TMEM263: variants seen among roughly 807,000 people sequenced by gnomAD.
The protein encoded by TMEM263 is UPF0444 transmembrane protein C12orf23.
TMEM263 carries 5 observed loss-of-function variants against 8.6 expected under a neutral mutation model. The observed-to-expected ratio is 0.58, with a 90% CI of 0.31 to 1.23. The LOEUF (loss-of-function observed/expected upper bound fraction) is 1.23, where lower values mean the gene tolerates loss of function less well. Among genes scored for constraint, TMEM263 ranks in the 50% most tolerant of loss-of-function variants. The probability of loss-of-function intolerance (pLI) is 0.07; values close to 1 mark genes in which losing one functional copy is unlikely to be tolerated. For synonymous variants in TMEM263, 50 were observed against 47.9 expected (o/e 1.04, Z -0.18); for missense variants, 104 against 138.8 (o/e 0.75, Z 1.26).
chr12:106,970,108 AATG>A (rs1352286074), intron 3 of TMEM263, among the ~76,000 whole-genome samples: 1 of 152,130 alleles, frequency 6.6e-6, no homozygotes, highest in African/African-American at 2.4e-5. Flanking sequence ...CACGATTTTA[AATG>A]ATGAATAGTT....
chr12:106,966,712 AG>A (rs1951852604), intron 2 of TMEM263, among the ~76,000 whole-genome samples: 2 of 114,658 alleles, frequency 1.7e-5, no homozygotes, highest in Admixed American at 1.8e-4. Flanking sequence ...TTTTTCTTTA[AG>A]TCTATTGTGA....
chr12:106,964,654 A>G (rs564958463), intron 2 of TMEM263, among the ~76,000 whole-genome samples: 2 of 152,358 alleles, frequency 1.3e-5, no homozygotes, highest in African/African-American at 4.8e-5. Context: ...ATTAGGTGCC[A>G]TTGATAAATG....
At chr12:106,967,282 G>C in intron 3 of TMEM263, 102 bp downstream of exon 3, 1 of 788,636 alleles carries the variant, frequency 1.3e-6, no homozygotes, top group Non-Finnish European at 1.9e-6. Flanking sequence ...TTTTGAGACA[G>C]AGTCTTACTC....
intron 2 of TMEM263, among the ~76,000 whole-genome samples, chr12:106,963,585 A>G (rs1951806583): frequency 6.6e-6 from 1 of 152,206 alleles, no homozygotes. Flanking sequence ...CACTTACTGT[A>G]TTAATCTCTC....
chr12:106,973,515 G>A lies in TMEM263; in HGVS notation c.*2124G>A, dbSNP rs1038349268. On this transcript the variant is annotated 3_prime_UTR_variant, in exon 4 of 4. Transcript: ENST00000280756. Reference sequence around the variant, plus strand: ...CTGCTACAGAAAAGCCACCTGGTACGTTTTGTCTCATCAGGATTGTTTTAA... The same window carrying A: ...CTGCTACAGAAAAGCCACCTGGTACATTTTGTCTCATCAGGATTGTTTTAA... 2 of 152,552 alleles carry A rather than the reference G, an allele frequency of 1.3e-5. No individual in the cohort carries two copies. The highest frequency in any genetic ancestry group is 2.1e-4 in the South Asian group (1 of 4,832). The allele number at this position is 152,552 out of a possible 1,614,324, so 9.4% of individuals were successfully genotyped here. A position where few individuals can be genotyped will look rare whatever the true frequency, so the allele number is the denominator to read the frequency against.
chr12:106,968,373 C>T (rs1229594099), intron 3 of TMEM263, among the ~76,000 whole-genome samples: 1 of 134,768 alleles, frequency 7.4e-6, no homozygotes, highest in African/African-American at 2.6e-5. Flanking sequence ...GAGACTCCGT[C>T]TCAAAAAAAA....
At chr12:106,962,698 GA>G (rs144333617) in intron 2 of TMEM263, among the ~76,000 whole-genome samples, 5,794 of 152,292 alleles carry the variant, frequency 0.038, 117 homozygotes, top group African/African-American at 0.058. Flanking sequence ...TGGATGCCCT[GA>G]AGGCATTTCA....
At chr12:106,965,415 T>C (rs1293978882) in intron 2 of TMEM263, among the ~76,000 whole-genome samples, 1 of 152,156 alleles carries the variant, frequency 6.6e-6, no homozygotes, top group Non-Finnish European at 1.5e-5. Flanking sequence ...AAGACCAGCC[T>C]GGCCAACATG....
rs1951941786 is a variant in TMEM263, at chr12:106,972,845, T to C, written c.*1454T>C. ...CTTTTTACTTAAATCTGGAAATTTG[T>C]CTCCATTCTGCCACCTTTTTTTTTT... On this transcript the variant is annotated 3_prime_UTR_variant, in exon 4 of 4. Transcript: ENST00000280756. 1 of 150,810 alleles carries C rather than the reference T, an allele frequency of 6.6e-6. No individual in the cohort carries two copies. The highest frequency in any genetic ancestry group is 1.5e-5 in the Non-Finnish European group (1 of 67,796). 9.3% of individuals were successfully genotyped at this position (150,810 alleles called of 1,614,324 possible).
At chr12:106,965,211 G>T (rs573258557) in intron 2 of TMEM263, among the ~76,000 whole-genome samples, 2 of 152,186 alleles carry the variant, frequency 1.3e-5, no homozygotes, top group South Asian at 4.1e-4. Context: ...TTCTTCTTCC[G>T]CAAAGACTCT....
chr12:106,965,090 C>T (rs1392126624), intron 2 of TMEM263, among the ~76,000 whole-genome samples: 1 of 143,128 alleles, frequency 7.0e-6, no homozygotes, highest in Non-Finnish European at 1.5e-5. Flanking sequence ...CCAGACCTCA[C>T]TCTTTGTCTT....
chr12:106,965,372 C>T (rs748834335), intron 2 of TMEM263, among the ~76,000 whole-genome samples: 2 of 152,034 alleles, frequency 1.3e-5, no homozygotes, highest in African/African-American at 4.8e-5. Context: ...TTTGGGAGGC[C>T]GAGGTAGGCG....
intron 2 of TMEM263, among the ~76,000 whole-genome samples, 159 bp downstream of exon 2, chr12:106,957,308 CTTTCA>C (rs1369396578): frequency 2.0e-5 from 3 of 152,216 alleles, no homozygotes; most frequent in African/African-American, 7.2e-5. Flanking sequence ...GCTTTTTCCA[CTTTCA>C]TTTCTTTAGT....
chr12:106,961,184 A>C (rs767107329), intron 2 of TMEM263, among the ~76,000 whole-genome samples: 6 of 148,586 alleles, frequency 4.0e-5, no homozygotes, highest in East Asian at 3.9e-4. Flanking sequence ...CATCCTTCCA[A>C]ATATGTGGGA....
At chr12:106,964,043 G>A (rs1951813574) in intron 2 of TMEM263, among the ~76,000 whole-genome samples, 1 of 152,116 alleles carries the variant, frequency 6.6e-6, no homozygotes, top group Non-Finnish European at 1.5e-5. Context: ...CTGGATTTGT[G>A]TCTATGTGTA....
intron 3 of TMEM263, 148 bp downstream of exon 3, chr12:106,967,328 G>T: frequency 1.9e-6 from 1 of 515,238 alleles, no homozygotes; most frequent in Non-Finnish European, 3.3e-6. Flanking sequence ...GCACGATCTT[G>T]GCCCACTGCA....
intron 2 of TMEM263, among the ~76,000 whole-genome samples, chr12:106,964,069 G>A (rs1166553621): frequency 3.3e-5 from 5 of 152,134 alleles, no homozygotes; most frequent in African/African-American, 1.2e-4. Context: ...TTAATATATA[G>A]TACTGAGATT....
chr12:106,966,983 A>G (rs930180344), intron 2 of TMEM263, 128 bp from the exon 3 acceptor site: 1 of 628,312 alleles, frequency 1.6e-6, no homozygotes, highest in Non-Finnish European at 2.8e-6. Context: ...GATGAAGACT[A>G]GTTGTATAGT....
At chr12:106,968,641 G>A (rs947687842) in intron 3 of TMEM263, among the ~76,000 whole-genome samples, 7 of 152,216 alleles carry the variant, frequency 4.6e-5, no homozygotes, top group Non-Finnish European at 1.0e-4. Context: ...CACTAAACAA[G>A]AGGAATCTGC....
Sources: allele counts gnomAD v4.1 joint callset (sites outside exome capture counted in the v4.1 genomes callset), GRCh38; gene constraint gnomAD v4.1.1; transcripts MANE v1.5; gene names NCBI Gene and HGNC (gene_info 2026-07-23, HGNC 2026-07-21).